The following FHIP2A variants were observed in gnomAD, a reference collection of about 807,000 sequenced individuals.
FHIP2A encodes family with sequence similarity 160 member B1.
In FHIP2A, 46 loss-of-function variants were observed where a neutral mutation model predicts 93.5. The observed-to-expected ratio is 0.49, with a 90% confidence interval of 0.39 to 0.63. The LOEUF is 0.63. Among genes scored for constraint, FHIP2A ranks in the 20% least tolerant of loss-of-function variants. The pLI is 0.00. For synonymous variants in FHIP2A, 332 were observed against 326.5 expected, an observed-to-expected ratio of 1.02 and a Z score of -0.18; for missense variants, 769 against 909.7, an observed-to-expected ratio of 0.85 and a Z score of 1.99.
At chr10:114,837,717 G>A (rs548922942) in intron 5 of FHIP2A, among the ~76,000 whole-genome samples, 28 of 152,126 alleles carry the variant, frequency 1.8e-4, no homozygotes, top group Admixed American at 3.9e-4. Context: ...CCACCCCTAC[G>A]CCCTAGCAGT....
At position 114,861,305 on chromosome 10, in the gene FHIP2A, G is replaced by GCC. The variant is rs2083797629; in HGVS notation, c.2163_2164insCC (p.Leu722ProfsTer18). On this transcript the variant is annotated frameshift_variant, in exon 16 of 17. Transcript: ENST00000369248. LOFTEE classifies it high-confidence loss of function. Reference sequence around the variant, plus strand: ...CCAAGCTTCTGTTAGTCAGAAAGCGGTTACTTGGTTTGGAACCTGAAGGCC... The same window carrying GCC: ...CCAAGCTTCTGTTAGTCAGAAAGCGGCCTTACTTGGTTTGGAACCTGAAGGCC... 2.5e-6 allele frequency: 4 copies of GCC among 1,614,086 alleles called. No homozygotes were observed. The highest frequency in any genetic ancestry group is 3.4e-6 in the Non-Finnish European group (4 of 1,180,044).
At chr10:114,845,275 T>G in intron 7 of FHIP2A, 92 bp from the exon 8 acceptor site, 1 of 696,016 alleles carries the variant, frequency 1.4e-6, no homozygotes, top group East Asian at 2.5e-5. Flanking sequence ...ACTATCTGAG[T>G]GTGTTCATGT....
chr10:114,839,858 G>A (rs113596911), intron 5 of FHIP2A, among the ~76,000 whole-genome samples: 3,123 of 145,958 alleles, frequency 0.021, 114 homozygotes, highest in African/African-American at 0.076. Flanking sequence ...CTTCAGCCTG[G>A]GCGACAGAGC....
chr10:114,861,863 A>T lies in FHIP2A; in HGVS notation c.*323A>T, dbSNP rs1267163997. ...TATTTCCAATGTCATGACTTTGATGATATTTCTGTTATATTAATGTCCTTT... is the reference window on the plus strand; with the variant it reads ...TATTTCCAATGTCATGACTTTGATGTTATTTCTGTTATATTAATGTCCTTT... On this transcript the variant is annotated 3_prime_UTR_variant, in exon 17 of 17. Coordinates refer to ENST00000369248, the MANE Select transcript of FHIP2A (RefSeq NM_020940.4). 2.5e-5 allele frequency: 25 copies of T among 1,010,150 alleles called. No homozygotes were observed. Among genetic ancestry groups the T allele is most frequent in the Non-Finnish European group, 3.0e-5 (25 of 845,798 alleles). 62.6% of individuals were successfully genotyped at this position (1,010,150 alleles called of 1,614,324 possible). A position where few individuals can be genotyped will look rare whatever the true frequency, so the allele number is the denominator to read the frequency against.
intron 5 of FHIP2A, among the ~76,000 whole-genome samples, chr10:114,839,445 C>T (rs2143010743): frequency 6.6e-6 from 1 of 152,228 alleles, no homozygotes; most frequent in East Asian, 1.9e-4. Context: ...AGTTTTATTA[C>T]TTATAAGTAT....
At position 114,822,035 on chromosome 10, in the gene FHIP2A, T is replaced by C; in HGVS notation, c.-44T>C. ...GGGCGGCGGCGGCGGATCGAGGAGC[T>C]CTCCAGGTCGTCCCGGGAGAGGCTG... On this transcript the variant is annotated 5_prime_UTR_variant, in exon 1 of 17. Coordinates refer to ENST00000369248, the MANE Select transcript of FHIP2A (RefSeq NM_020940.4). 2 of 1,230,666 alleles carry C rather than the reference T, an allele frequency of 1.6e-6. No homozygotes were observed. Among genetic ancestry groups the C allele is most frequent in the Non-Finnish European group, 1.0e-6 (1 of 962,526 alleles). 76.2% of individuals were successfully genotyped at this position (1,230,666 alleles called of 1,614,324 possible). A position where few individuals can be genotyped will look rare whatever the true frequency, so the allele number is the denominator to read the frequency against.
chr10:114,875,672 C>T (rs1169247176), intron 16 of FHIP2A, among the ~76,000 whole-genome samples: 1 of 147,360 alleles, frequency 6.8e-6, no homozygotes, highest in Non-Finnish European at 1.5e-5. Flanking sequence ...TCAAGCCTGG[C>T]AATTGAGCGA....
At chr10:114,876,049 G>A (rs925164944) in intron 16 of FHIP2A, among the ~76,000 whole-genome samples, 3 of 151,682 alleles carry the variant, frequency 2.0e-5, no homozygotes, top group Admixed American at 1.3e-4. Flanking sequence ...GAAGAAAGGA[G>A]CCTGAGGGGA....
chr10:114,866,434 C>T (rs1424846422), downstream of FHIP2A, among the ~76,000 whole-genome samples: 1 of 152,162 alleles, frequency 6.6e-6, no homozygotes, highest in East Asian at 1.9e-4. Flanking sequence ...CCCCACTACC[C>T]ACCTCAGAGA....
At chr10:114,838,481 A>G (rs2083649285) in intron 5 of FHIP2A, among the ~76,000 whole-genome samples, 1 of 152,082 alleles carries the variant, frequency 6.6e-6, no homozygotes. Flanking sequence ...GGATTTCTAA[A>G]GATTTATAAT....
At chr10:114,874,929 C>A (rs1174134063) in intron 16 of FHIP2A, among the ~76,000 whole-genome samples, 1 of 152,232 alleles carries the variant, frequency 6.6e-6, no homozygotes, top group East Asian at 1.9e-4. Context: ...TAGCTTAAAT[C>A]TGTACAGATG....
intron 16 of FHIP2A, among the ~76,000 whole-genome samples, chr10:114,874,165 G>C (rs1057400603): frequency 6.6e-6 from 1 of 152,170 alleles, no homozygotes; most frequent in Admixed American, 6.5e-5. Context: ...AACTTGTTTG[G>C]AGACAAGAGT....
chr10:114,844,823 C>T lies in FHIP2A; in HGVS notation c.1014-544C>T, dbSNP rs578001852. 1.2e-4 allele frequency among the ~76,000 whole-genome samples: 18 copies of T among 152,168 alleles called. 1 individual carries two copies. The highest frequency in any genetic ancestry group is 4.1e-4 in the South Asian group (2 of 4,820). On this transcript the variant is annotated intron_variant, in intron 7 of 16. Transcript: ENST00000369248. The stretch of plus-strand genomic sequence containing the variant: ...TCTTTGAGACGGAGTCTTGCTCCGT[C>T]GCCCAGGCTGGAGTGCAGTGAAGCA...
intron 16 of FHIP2A, among the ~76,000 whole-genome samples, chr10:114,886,349 G>A (rs1302460157): frequency 6.6e-6 from 1 of 151,830 alleles, no homozygotes; most frequent in Admixed American, 6.6e-5. Flanking sequence ...TGGATGTTGG[G>A]TAACTATTTA....
intron 5 of FHIP2A, among the ~76,000 whole-genome samples, chr10:114,840,402 G>T (rs1330952911): frequency 1.3e-5 from 2 of 152,174 alleles, no homozygotes. Context: ...ACAAGGTGAA[G>T]AGTTTATTCT....
At chr10:114,876,549 A>G (rs938231534) in intron 16 of FHIP2A, among the ~76,000 whole-genome samples, 1 of 152,186 alleles carries the variant, frequency 6.6e-6, no homozygotes, top group East Asian at 1.9e-4. Context: ...GCTACCAAGT[A>G]GGTACTGGAT....
chr10:114,843,693 G>T, intron 6 of FHIP2A, 48 bp from the exon 7 acceptor site: 1 of 1,313,140 alleles, frequency 7.6e-7, no homozygotes, highest in South Asian at 1.8e-5. Flanking sequence ...CAAACAACCT[G>T]ATGTATATAC....
At chr10:114,854,805 A>G (rs1001021544) in intron 13 of FHIP2A, among the ~76,000 whole-genome samples, 2 of 152,172 alleles carry the variant, frequency 1.3e-5, no homozygotes, top group African/African-American at 2.4e-5. Context: ...AATAACATGT[A>G]TCAGTTCATC....
At chr10:114,876,142 C>G (rs374546054) in intron 16 of FHIP2A, among the ~76,000 whole-genome samples, 8 of 152,182 alleles carry the variant, frequency 5.3e-5, no homozygotes, top group East Asian at 1.9e-4. Flanking sequence ...CTGACTCCCC[C>G]CTGTCTGGTG....
Sources: allele counts gnomAD v4.1 joint callset (sites outside exome capture counted in the v4.1 genomes callset), GRCh38; gene constraint gnomAD v4.1.1; transcripts MANE v1.5; gene names NCBI Gene and HGNC (gene_info 2026-07-23, HGNC 2026-07-21).